Variants in FHIT observed in about 807,000 individuals in gnomAD.
The protein encoded by FHIT is fragile histidine triad diadenosine triphosphatase.
Under a neutral mutation model 17.9 loss-of-function variants are expected in FHIT, and 19 were observed. That is an observed-to-expected ratio of 1.06 (90% CI 0.74 to 1.56). The LOEUF (loss-of-function observed/expected upper bound fraction) is 1.56. FHIT is among the 40% of genes most tolerant of loss of function. The probability of loss-of-function intolerance (pLI) is 0.00; values close to 1 mark genes in which losing one functional copy is unlikely to be tolerated. For synonymous variants in FHIT, 81 were observed against 69.7 expected (o/e 1.16, Z -0.81); for missense variants, 248 against 189.2 (o/e 1.31, Z -1.82).
intron 4 of FHIT, among the ~76,000 whole-genome samples, chr3:60,709,338 T>C (rs1553704376): frequency 6.6e-6 from 1 of 152,184 alleles, no homozygotes; most frequent in African/African-American, 2.4e-5. Context: ...CATTGTGTTG[T>C]GATATATTAT....
intron 2 of FHIT, among the ~76,000 whole-genome samples, chr3:61,062,426 T>C (rs2034460435): frequency 6.6e-6 from 1 of 152,220 alleles, no homozygotes; most frequent in Non-Finnish European, 1.5e-5. Flanking sequence ...TCTTCTGGAA[T>C]CATTTATATG....
At chr3:60,869,324 C>G (rs909785036) in intron 3 of FHIT, among the ~76,000 whole-genome samples, 1 of 152,086 alleles carries the variant, frequency 6.6e-6, no homozygotes, top group African/African-American at 2.4e-5. Context: ...GAAGGGGCAT[C>G]ATTAGAAGGA....
chr3:59,966,736 G>A (rs1383918653), intron 7 of FHIT, among the ~76,000 whole-genome samples: 3 of 152,144 alleles, frequency 2.0e-5, no homozygotes, highest in Non-Finnish European at 4.4e-5. Flanking sequence ...TGTTGGATTG[G>A]AAGTTGCTTT....
intron 5 of FHIT, among the ~76,000 whole-genome samples, chr3:60,082,437 C>G (rs1703328773): frequency 6.6e-6 from 1 of 152,022 alleles, no homozygotes. Flanking sequence ...AATAAACATA[C>G]AGGTAGATGT....
intron 8 of FHIT, among the ~76,000 whole-genome samples, chr3:59,859,374 A>G (rs1385279403): frequency 6.6e-6 from 1 of 152,224 alleles, no homozygotes; most frequent in Admixed American, 6.5e-5. Flanking sequence ...TACAGGAAAA[A>G]AAGACCTATA....
chr3:60,037,537 C>G (rs368846616), intron 5 of FHIT, among the ~76,000 whole-genome samples: 2 of 151,664 alleles, frequency 1.3e-5, no homozygotes, highest in Non-Finnish European at 2.9e-5. Flanking sequence ...CACGCACCAC[C>G]GCACTGGCTA....
intron 3 of FHIT, among the ~76,000 whole-genome samples, chr3:60,860,438 C>CATACATCAT (rs1478989632): frequency 8.1e-6 from 1 of 122,800 alleles, no homozygotes; most frequent in Non-Finnish European, 1.7e-5. Flanking sequence ...ACATATATAT[C>CATACATCAT]ATGTATATAT....
rs558798844 is a variant in FHIT, at chr3:60,896,511, A to G, written c.-110-74500T>C. 1.2e-4 allele frequency among the ~76,000 whole-genome samples: 18 copies of G among 152,270 alleles called. No homozygotes were observed. In the South Asian group the frequency reaches 3.5e-3, roughly 30 times the overall value. ...AGCCTGACTCCCCACAAAATAATACATTTACTTAATCCTACAATGGATACA... is the reference window on the plus strand; with the variant it reads ...AGCCTGACTCCCCACAAAATAATACGTTTACTTAATCCTACAATGGATACA... On this transcript the variant is annotated intron_variant, in intron 3 of 9. Coordinates refer to ENST00000492590, the MANE Select transcript of FHIT (RefSeq NM_002012.4).
chr3:60,390,456 G>C (rs781335377), intron 5 of FHIT, among the ~76,000 whole-genome samples: 1 of 141,704 alleles, frequency 7.1e-6, no homozygotes. Context: ...TTATTACAAG[G>C]TACTTTTAAC....
chr3:60,927,020 G>C (rs148817000), intron 3 of FHIT, among the ~76,000 whole-genome samples: 3 of 151,850 alleles, frequency 2.0e-5, no homozygotes, highest in Non-Finnish European at 4.4e-5. Flanking sequence ...CCTCGTCTCC[G>C]TCTCCCACTT....
chr3:60,826,294 TTTTTG>T lies in FHIT; in HGVS notation c.-110-4288_-110-4284del, dbSNP rs142138204. ...TAGATGGGGATAGATGAGGTTAGTTTTTTTGTTTTGTTTTGTTTTGTTTTGTTTTG... is the reference window on the plus strand; with the variant it reads ...TAGATGGGGATAGATGAGGTTAGTTTTTTTGTTTTGTTTTGTTTTGTTTTG... On this transcript the variant is annotated intron_variant, in intron 3 of 9. Transcript: ENST00000492590. Among the ~76,000 whole-genome samples the T allele has an allele frequency of 3.4e-3, 502 of 149,354 alleles. 5 individuals are homozygous for T. Among genetic ancestry groups the T allele is most frequent in the African/African-American group, 0.012 (464 of 40,282 alleles).
intron 3 of FHIT, among the ~76,000 whole-genome samples, chr3:60,844,843 C>T (rs1184588464): frequency 6.6e-6 from 1 of 152,112 alleles, no homozygotes; most frequent in Admixed American, 6.6e-5. Flanking sequence ...GCTTGCTCTT[C>T]ATTAGCGCTA....
chr3:60,378,270 G>A (rs1165740082), intron 5 of FHIT, among the ~76,000 whole-genome samples: 4 of 152,188 alleles, frequency 2.6e-5, no homozygotes, highest in Middle Eastern at 3.4e-3. Context: ...TGATCCGCCC[G>A]CCTCAGCCTC....
chr3:60,243,020 CG>C (rs1705213209), intron 5 of FHIT, among the ~76,000 whole-genome samples: 1 of 150,788 alleles, frequency 6.6e-6, no homozygotes, highest in African/African-American at 2.4e-5. Context: ...CTTGAATCAG[CG>C]TTCTCATTTT....
At chr3:60,768,941 G>A (rs1321193877) in intron 4 of FHIT, among the ~76,000 whole-genome samples, 2 of 152,176 alleles carry the variant, frequency 1.3e-5, no homozygotes, top group Non-Finnish European at 2.9e-5. Context: ...TAGAGGAGAT[G>A]AAAATGTATA....
At chr3:60,578,386 G>C (rs1444129989) in intron 4 of FHIT, among the ~76,000 whole-genome samples, 1 of 149,498 alleles carries the variant, frequency 6.7e-6, no homozygotes, top group Admixed American at 6.7e-5. Context: ...GCAGTGAGCC[G>C]AGATCTCACC....
At chr3:60,898,981 C>A (rs903492468) in intron 3 of FHIT, among the ~76,000 whole-genome samples, 4 of 152,140 alleles carry the variant, frequency 2.6e-5, no homozygotes, top group African/African-American at 4.8e-5. Flanking sequence ...AGTCTAATGG[C>A]CTACACTTCT....
intron 1 of FHIT, among the ~76,000 whole-genome samples, chr3:61,211,146 G>C (rs1205993040): frequency 6.6e-6 from 1 of 151,994 alleles, no homozygotes; most frequent in African/African-American, 2.4e-5. Flanking sequence ...GTGCCAGACA[G>C]TGGGCGCAGG....
rs573590071 is a variant in FHIT at position 60,897,656 on chromosome 3, C to T, written c.-110-75645G>A. 3.2e-3 allele frequency among the ~76,000 whole-genome samples: 486 copies of T among 152,208 alleles called. 5 individuals are homozygous for T. Among genetic ancestry groups the T allele is most frequent in the African/African-American group, 0.011 (466 of 41,528 alleles). ...AAGAAAATCCTATTTGCCTACTGAC[C>T]GCTGGGCAACTTCAAAACTGCATGA... On this transcript the variant is annotated intron_variant, in intron 3 of 9. Coordinates refer to ENST00000492590, the MANE Select transcript of FHIT (RefSeq NM_002012.4).
Sources: gnomAD v4.1 joint callset for allele counts (sites outside exome capture counted in the v4.1 genomes callset) on GRCh38, gnomAD v4.1.1 for gene constraint, MANE v1.5 for transcripts, NCBI Gene and HGNC (gene_info 2026-07-23, HGNC 2026-07-21) for gene names.